The following MCC variants were observed in gnomAD, a reference collection of about 807,000 sequenced individuals.
MCC encodes the protein colorectal mutant cancer protein.
MCC carries 90 observed loss-of-function variants against 116.2 expected under a neutral mutation model. The observed-to-expected ratio is 0.77, with a 90% confidence interval of 0.65 to 0.92. The LOEUF is 0.92. MCC is among the 40% of genes least tolerant of loss of function. The pLI is 0.00. For synonymous variants in MCC, 578 were observed against 510.5 expected, an observed-to-expected ratio of 1.13 and a Z score of -1.78; for missense variants, 1,516 against 1,312.2, an observed-to-expected ratio of 1.16 and a Z score of -2.40.
At chr5:113,460,125 T>G (rs994774618) in intron 1 of MCC, among the ~76,000 whole-genome samples, 19 of 152,132 alleles carry the variant, frequency 1.2e-4, no homozygotes, top group African/African-American at 4.6e-4. Context: ...ACCTAAACTA[T>G]AAAAAACCCA....
chr5:113,447,642 T>G (rs886395805), intron 1 of MCC, among the ~76,000 whole-genome samples: 1 of 152,178 alleles, frequency 6.6e-6, no homozygotes. Flanking sequence ...CTAAGGATTT[T>G]TTAAAAAGAT....
chr5:113,121,189 AAT>A (rs1272491706), intron 6 of MCC, among the ~76,000 whole-genome samples: 1 of 152,182 alleles, frequency 6.6e-6, no homozygotes, highest in Non-Finnish European at 1.5e-5. Flanking sequence ...AGAGTTCTGC[AAT>A]AGTTTCCAAG....
intron 3 of MCC, among the ~76,000 whole-genome samples, chr5:113,177,432 A>G (rs1253264834): frequency 6.6e-6 from 1 of 152,224 alleles, no homozygotes; most frequent in Non-Finnish European, 1.5e-5. Flanking sequence ...CACAATGTGG[A>G]CTTTCAGCAA....
chr5:113,374,859 G>A (rs1319386582), intron 2 of MCC, among the ~76,000 whole-genome samples: 1 of 151,914 alleles, frequency 6.6e-6, no homozygotes, highest in Non-Finnish European at 1.5e-5. Context: ...GGGCATGGTG[G>A]TGCACGCCTG....
intron 1 of MCC, among the ~76,000 whole-genome samples, chr5:113,425,965 G>T (rs1445298767): frequency 6.6e-6 from 1 of 152,082 alleles, no homozygotes. Context: ...AGTGAGTCTG[G>T]CAGCCGAGGG....
At chr5:113,082,715 T>C in intron 11 of MCC, 145 bp downstream of exon 11, 6 of 931,002 alleles carry the variant, frequency 6.4e-6, no homozygotes, top group Non-Finnish European at 9.6e-6. Flanking sequence ...ATGACCAAGG[T>C]GGTAGGAACT....
At chr5:113,083,541 T>A (rs1254024585) in intron 10 of MCC, among the ~76,000 whole-genome samples, 1 of 152,210 alleles carries the variant, frequency 6.6e-6, no homozygotes, top group Non-Finnish European at 1.5e-5. Context: ...CTAAGCCTCA[T>A]CCCCAATCCT....
intron 14 of MCC, among the ~76,000 whole-genome samples, chr5:113,057,977 A>C (rs79888193): frequency 0.013 from 2,048 of 152,252 alleles, 39 homozygotes; most frequent in African/African-American, 0.045. Flanking sequence ...AGGTTTCAGG[A>C]ATGAAATCCT....
intron 3 of MCC, among the ~76,000 whole-genome samples, chr5:113,155,966 A>G (rs1209873127): frequency 6.6e-6 from 1 of 152,232 alleles, no homozygotes; most frequent in Non-Finnish European, 1.5e-5. Flanking sequence ...AGGTATGGGA[A>G]AATCTTTTTG....
chr5:113,160,519 T>C (rs960678500), intron 3 of MCC, among the ~76,000 whole-genome samples: 3 of 152,210 alleles, frequency 2.0e-5, no homozygotes, highest in Non-Finnish European at 4.4e-5. Flanking sequence ...AGAGGTTAAG[T>C]AACTTGTCAA....
intron 5 of MCC, 106 bp downstream of exon 5, chr5:113,143,112 C>A: frequency 2.5e-6 from 3 of 1,212,364 alleles, no homozygotes; most frequent in Non-Finnish European, 3.4e-6. Flanking sequence ...TTATAATCTA[C>A]AAACTAGAAC....
intron 2 of MCC, among the ~76,000 whole-genome samples, chr5:113,359,511 CTGT>C (rs1309439751): frequency 1.3e-5 from 2 of 152,218 alleles, no homozygotes; most frequent in Non-Finnish European, 2.9e-5. Flanking sequence ...GCTCTAGCTT[CTGT>C]TGTTCTGTTC....
chr5:113,175,627 A>AGTGG (rs1761293883), intron 3 of MCC, among the ~76,000 whole-genome samples: 1 of 152,012 alleles, frequency 6.6e-6, no homozygotes, highest in Non-Finnish European at 1.5e-5. Flanking sequence ...GCCTTGTTTG[A>AGTGG]CTTTCTCAGG....
chr5:113,094,423 C>CTT (rs397798890), intron 8 of MCC, among the ~76,000 whole-genome samples: 13,952 of 134,684 alleles, frequency 0.1, 1,727 homozygotes, highest in African/African-American at 0.3. Flanking sequence ...GGCAATCTTC[C>CTT]TTTTTTTTTT....
intron 3 of MCC, among the ~76,000 whole-genome samples, chr5:113,295,734 G>C (rs4526096): frequency 1.3e-5 from 2 of 152,212 alleles, no homozygotes; most frequent in Admixed American, 6.5e-5. Flanking sequence ...GATGGGGGAA[G>C]AGGGGAACTA....
chr5:113,121,189 A>G (rs1245551858), intron 6 of MCC, among the ~76,000 whole-genome samples: 2 of 152,182 alleles, frequency 1.3e-5, no homozygotes, highest in African/African-American at 4.8e-5. Context: ...AGAGTTCTGC[A>G]ATAGTTTCCA....
At chr5:113,463,892 T>C (rs1042530597) in intron 1 of MCC, among the ~76,000 whole-genome samples, 1 of 151,930 alleles carries the variant, frequency 6.6e-6, no homozygotes, top group Non-Finnish European at 1.5e-5. Flanking sequence ...TAACACTCAA[T>C]AGCTAGGTAG....
chr5:113,217,666 G>A (rs979863976), intron 3 of MCC, among the ~76,000 whole-genome samples: 1 of 152,154 alleles, frequency 6.6e-6, no homozygotes, highest in African/African-American at 2.4e-5. Context: ...AGCTAATCAG[G>A]GCAAACTCTG....
intron 3 of MCC, among the ~76,000 whole-genome samples, chr5:113,184,465 TTTCTTCG>T (rs1761790178): frequency 1.4e-5 from 2 of 144,902 alleles, no homozygotes; most frequent in Non-Finnish European, 3.0e-5. Context: ...ATTTAGTTTC[TTTCTTCG>T]TTTTTTGTTT....
Sources: allele counts gnomAD v4.1 joint callset (sites outside exome capture counted in the v4.1 genomes callset), GRCh38; gene constraint gnomAD v4.1.1; transcripts MANE v1.5; gene names NCBI Gene and HGNC (gene_info 2026-07-23, HGNC 2026-07-21).